PLS3: variants seen among roughly 807,000 people sequenced by gnomAD.
PLS3 encodes the protein plastin-3.
Under a neutral mutation model 46.5 loss-of-function variants are expected in PLS3, and 11 were observed. That is an observed-to-expected ratio of 0.24 (90% CI 0.15 to 0.39). PLS3 has a LOEUF of 0.39. Among genes scored for constraint, PLS3 ranks in the 10% least tolerant of loss-of-function variants. The pLI, the probability that PLS3 is intolerant of heterozygous loss-of-function variation, is 1.00. For synonymous variants in PLS3, 167 were observed against 162.2 expected (o/e 1.03, Z -0.22); for missense variants, 308 against 461.8 (o/e 0.67, Z 3.05).
At chrX:115,562,488 C>A (rs1206345937) in intron 1 of PLS3, 4 of 111,980 alleles carry the variant, frequency 3.6e-5, no homozygotes, top group Non-Finnish European at 5.6e-5. Flanking sequence ...TGGAGAGCCT[C>A]GCCATTTAGC....
At chrX:115,610,374 C>A in intron 2 of PLS3, 51 bp downstream of exon 2, 1 of 644,247 alleles carries the variant, frequency 1.6e-6, no homozygotes, top group South Asian at 3.1e-5. Context: ...TATTTGGTCT[C>A]AAAGTTATTT....
At chrX:115,574,821 C>T (rs1422156719) in intron 1 of PLS3, among the ~76,000 whole-genome samples, 3 of 112,209 alleles carry the variant, frequency 2.7e-5, no homozygotes, top group Admixed American at 9.5e-5. Context: ...TCAGGTAATC[C>T]GCCCACCTCG....
chrX:115,601,662 A>T lies in PLS3; in HGVS notation c.-8-8581A>T, dbSNP rs199873019. Among the ~76,000 whole-genome samples, 9 of 110,424 alleles carry T rather than the reference A, an allele frequency of 8.2e-5. No homozygotes were observed. The East Asian group carries it at 2.6e-3, about 32-fold the overall frequency. On this transcript the variant is annotated intron_variant, in intron 1 of 15. Coordinates refer to ENST00000355899, the MANE Select transcript of PLS3 (RefSeq NM_005032.7). ...AAAATATATAAAAAGATAAAAAAAA[A>T]ACTTGTGGAGTAGGCCAGACATGAG...
At chrX:115,594,148 T>A (rs2074365629) in intron 1 of PLS3, among the ~76,000 whole-genome samples, 1 of 111,718 alleles carries the variant, frequency 9.0e-6, no homozygotes, top group South Asian at 3.8e-4. Context: ...CAAACAGTTG[T>A]CTTAGTGTTT....
intron 1 of PLS3, among the ~76,000 whole-genome samples, chrX:115,605,253 G>A (rs5987940): frequency 0.015 from 1,664 of 111,633 alleles, 21 homozygotes; most frequent in African/African-American, 0.047. Context: ...TGTTCTCATT[G>A]AAGTGTATCT....
chrX:115,616,330 T>G (rs1476372612), intron 2 of PLS3, among the ~76,000 whole-genome samples: 1 of 112,191 alleles, frequency 8.9e-6, no homozygotes, highest in African/African-American at 3.2e-5. Context: ...TAACAAAAAA[T>G]TATCCAAAAT....
intron 1 of PLS3, among the ~76,000 whole-genome samples, chrX:115,602,184 A>G (rs1311613229): frequency 8.9e-6 from 1 of 111,856 alleles, no homozygotes; most frequent in East Asian, 2.8e-4. Flanking sequence ...CTAATGTTGT[A>G]TCTTTGTTTT....
chrX:115,604,909 A>G (rs368115053), intron 1 of PLS3, among the ~76,000 whole-genome samples: 2 of 112,136 alleles, frequency 1.8e-5, no homozygotes, highest in African/African-American at 6.5e-5. Flanking sequence ...TCAAGTACCT[A>G]TGAGTAGTCT....
At position 115,610,316 on chromosome X, in the gene PLS3, A is replaced by C; in HGVS notation, c.66A>C (p.Ala22=). The C allele has an allele frequency of 9.0e-7, 1 of 1,114,234 alleles. No individual in the cohort carries two copies. Among genetic ancestry groups the C allele is most frequent in the East Asian group, 3.1e-5 (1 of 32,687 alleles). 91.8% of individuals were successfully genotyped at this position (1,114,234 alleles called of 1,213,427 possible). A position where few individuals can be genotyped will look rare whatever the true frequency, so the allele number is the denominator to read the frequency against. The change falls in exon 2 of 16, where the codon GCA becomes GCC. Residue 22 remains alanine, a synonymous_variant. Transcript: ENST00000355899. ...TTGATGAACTCAAAGAGGCCTTTGC[A>C]AAAGTTGGTGAGTATTTTTTGTAGT... is the stretch of plus-strand genomic sequence containing the variant. ...DELDELKEAF[A]KVDLNSNGFI...
At chrX:115,588,661 G>A (rs1282624679) in intron 1 of PLS3, among the ~76,000 whole-genome samples, 1 of 110,993 alleles carries the variant, frequency 9.0e-6, no homozygotes, top group African/African-American at 3.3e-5. Flanking sequence ...AAAAAGTTTA[G>A]GAACTGCTGA....
At position 115,640,408 on chromosome X, in the gene PLS3, G is replaced by A. The variant is rs202076515; in HGVS notation, c.892G>A (p.Asp298Asn). 4.3e-6 allele frequency: 5 copies of A among 1,153,804 alleles called. No individual in the cohort carries two copies. Among genetic ancestry groups the A allele is most frequent in the African/African-American group, 3.5e-5 (2 of 56,644 alleles). Residue 298 changes from aspartate to asparagine, a missense_variant and splice_region_variant, in exon 9 of 16, where the codon GAT becomes AAT. Physicochemically the swap from Asp to Asn is conservative, Grantham distance 23. Transcript: ENST00000355899. ...KINNFSADIK[D>N]SKAYFHLLNQ... ...CACTGACATTTTCAATTCTTTGTAG[G>A]ATTCCAAAGCCTATTTCCATCTTCT...
chrX:115,605,467 T>A (rs782620581), intron 1 of PLS3, among the ~76,000 whole-genome samples: 1 of 111,975 alleles, frequency 8.9e-6, no homozygotes, highest in East Asian at 2.8e-4. Context: ...TTTTTACTTT[T>A]TTTATTGAGA....
intron 1 of PLS3, among the ~76,000 whole-genome samples, chrX:115,599,524 A>G (rs1556634285): frequency 2.9e-5 from 3 of 104,002 alleles, no homozygotes. Flanking sequence ...CTATCTCAAA[A>G]AAAAAAAAAA....
At chrX:115,566,925 C>T (rs2074178729) in intron 1 of PLS3, among the ~76,000 whole-genome samples, 1 of 111,681 alleles carries the variant, frequency 9.0e-6, no homozygotes, top group African/African-American at 3.3e-5. Flanking sequence ...GATCCGCCCG[C>T]CTTGGCCTCC....
At chrX:115,622,003 C>G in intron 2 of PLS3, 1 of 305,178 alleles carries the variant, frequency 3.3e-6, no homozygotes, top group East Asian at 6.1e-5. Flanking sequence ...CTTCCTTGAA[C>G]TTAGGGATGC....
rs151153004 is a variant in PLS3, at chrX:115,629,938, C to T, written c.471C>T (p.Phe157=). 1.1e-3 allele frequency: 1,337 copies of T among 1,178,628 alleles called. 1 individual carries two copies. The highest frequency in any genetic ancestry group is 1.5e-3 in the Non-Finnish European group (1,282 of 876,976). The change falls in exon 5 of 16, where the codon TTC becomes TTT. Residue 157 remains phenylalanine, a synonymous_variant. Coordinates refer to ENST00000355899, the MANE Select transcript of PLS3 (RefSeq NM_005032.7). ...TGAACCCTAACACCGATGACCTGTT[C>T]AAAGCTGTTGGTGATGGAATTGTGC... ...IPMNPNTDDL[F]KAVGDGIVLC...
At chrX:115,635,713 G>A in intron 7 of PLS3, among the ~76,000 whole-genome samples, 1 of 108,887 alleles carries the variant, frequency 9.2e-6, no homozygotes, top group Non-Finnish European at 1.9e-5. Context: ...ATTGCAACCG[G>A]GTGTGTTGGA....
In PLS3 at chrX:115,650,301, AAC is replaced by A. The variant is rs782122445; in HGVS notation, c.*742_*743del. On this transcript the variant is annotated 3_prime_UTR_variant, in exon 16 of 16. Transcript: ENST00000355899. ...TCTTCCCTCTCATACCCAAGCTGTA[AAC>A]AATTGAAATATTTTGTCTTAAATCA... 20 of 111,831 alleles carry A rather than the reference AAC, an allele frequency of 1.8e-4. No homozygotes were observed. Among genetic ancestry groups the A allele is most frequent in the African/African-American group, 5.2e-4 (16 of 30,770 alleles). The allele number at this position is 111,831 out of a possible 1,213,427, so 9.2% of individuals were successfully genotyped here. A position where few individuals can be genotyped will look rare whatever the true frequency, so the allele number is the denominator to read the frequency against.
intron 1 of PLS3, chrX:115,562,615 C>T (rs997564678): frequency 4.5e-5 from 5 of 110,995 alleles, no homozygotes; most frequent in Non-Finnish European, 7.5e-5. Context: ...CATTGAGGGG[C>T]AAGCACTTAC....
Sources: allele counts gnomAD v4.1 joint callset (sites outside exome capture counted in the v4.1 genomes callset), GRCh38; gene constraint gnomAD v4.1.1; transcripts MANE v1.5; gene names NCBI Gene and HGNC (gene_info 2026-07-23, HGNC 2026-07-21).